The following TRIM3 variants were observed in gnomAD, a reference collection of about 807,000 sequenced individuals.
The protein encoded by TRIM3 is tripartite motif containing 3.
TRIM3 carries 13 observed loss-of-function variants against 66.6 expected under a neutral mutation model. The observed-to-expected ratio is 0.20, with a 90% CI of 0.13 to 0.31. The LOEUF is 0.31. Among genes scored for constraint, TRIM3 ranks in the 10% least tolerant of loss-of-function variants. The pLI is 1.00. For synonymous variants in TRIM3, 406 were observed against 411.7 expected, an observed-to-expected ratio of 0.99 and a Z score of 0.17; for missense variants, 711 against 1,020.4, an observed-to-expected ratio of 0.70 and a Z score of 4.13.
chr11:6,451,819 C>A, intron 7 of TRIM3: 1 of 214,242 alleles, frequency 4.7e-6, no homozygotes, highest in African/African-American at 2.3e-5. Context: ...GAGGACTTGT[C>A]CAGTGTGGCT....
At chr11:6,468,520 G>A (rs1564975683) in intron 1 of TRIM3, among the ~76,000 whole-genome samples, 1 of 152,174 alleles carries the variant, frequency 6.6e-6, no homozygotes, top group African/African-American at 2.4e-5. Context: ...CTGAGAAAGA[G>A]AACCCAGAGA....
chr11:6,466,441 C>A (rs1243695561), intron 1 of TRIM3, among the ~76,000 whole-genome samples: 1 of 152,178 alleles, frequency 6.6e-6, no homozygotes, highest in African/African-American at 2.4e-5. Flanking sequence ...TTTTCTAAAA[C>A]ACAGATTTGA....
At chr11:6,464,630 C>T (rs764541660) in intron 2 of TRIM3, among the ~76,000 whole-genome samples, 1 of 152,134 alleles carries the variant, frequency 6.6e-6, no homozygotes, top group Non-Finnish European at 1.5e-5. Context: ...GATTGTTACC[C>T]ATTCTATGCT....
At position 6,449,215 on chromosome 11, in the gene TRIM3, G is replaced by T. The variant is rs1564960012; in HGVS notation, c.2083-35C>A. The T allele has an allele frequency of 6.2e-7, 1 of 1,611,500 alleles. No homozygotes were observed. Among genetic ancestry groups the T allele is most frequent in the African/African-American group, 1.3e-5 (1 of 74,878 alleles). ...GAGTGCAGAAAGGAGGGAGAGGCAA[G>T]ATCAGGCAGATGAGAGTCTGTTTTG... On this transcript the variant is annotated intron_variant, in intron 11 of 11. Transcript: ENST00000345851. The surrounding 1 kb of genome is among the most constrained non-coding windows in gnomAD (Gnocchi z 5.3).
At position 6,458,375 on chromosome 11, in the gene TRIM3, C is replaced by T; in HGVS notation, c.132-79G>A. On this transcript the variant is annotated intron_variant, in intron 2 of 11. Transcript: ENST00000345851. The surrounding 1 kb of genome is among the most constrained non-coding windows in gnomAD (Gnocchi z 6.2). The stretch of plus-strand genomic sequence containing the variant: ...CCTTCCTTATACTTCCCATGGGTGC[C>T]AACCCCTTCCCTCACAGGTGTGCCA... 1.7e-6 allele frequency: 2 copies of T among 1,150,452 alleles called. No individual in the cohort carries two copies. Among genetic ancestry groups the T allele is most frequent in the Non-Finnish European group, 2.5e-6 (2 of 788,926 alleles). The allele number at this position is 1,150,452 out of a possible 1,614,324, so 71.3% of individuals were successfully genotyped here.
intron 1 of TRIM3, among the ~76,000 whole-genome samples, chr11:6,468,120 T>C (rs1314714348): frequency 6.6e-6 from 1 of 152,142 alleles, no homozygotes; most frequent in African/African-American, 2.4e-5. Context: ...CCCATCTCTA[T>C]AAAAATAAAA....
Position 6,457,207 on chromosome 11 carries a change from G to A in TRIM3, c.696+89C>T. ...AGGCAGAATATCTAGGCTGGGGAAT[G>A]GGGAGCTGGTGTGGAAGACAGAGGA... On this transcript the variant is annotated intron_variant, in intron 5 of 11. Transcript: ENST00000345851. This position sits in a 1 kb window ranked among gnomAD's most constrained non-coding sequence, Gnocchi z 4.5. The A allele has an allele frequency of 6.5e-7, 1 of 1,547,622 alleles. No individual in the cohort carries two copies.
intron 1 of TRIM3, chr11:6,473,074 T>C (rs1175423464): frequency 1.3e-5 from 2 of 152,388 alleles, no homozygotes; most frequent in African/African-American, 4.8e-5. Context: ...CTGCCCTCAG[T>C]CGAACTGACC....
chr11:6,472,046 T>A (rs1017790017), intron 1 of TRIM3, among the ~76,000 whole-genome samples: 1 of 152,200 alleles, frequency 6.6e-6, no homozygotes, highest in Non-Finnish European at 1.5e-5. Flanking sequence ...ACCCTGGTAG[T>A]CTTCTCAATT....
At position 6,450,010 on chromosome 11, in the gene TRIM3, C is replaced by A. The variant is rs1220926846; in HGVS notation, c.1941+541G>T. On this transcript the variant is annotated intron_variant, in intron 10 of 11. Coordinates refer to ENST00000345851, the MANE Select transcript of TRIM3 (RefSeq NM_033278.4). This position sits in a 1 kb window ranked among gnomAD's most constrained non-coding sequence, Gnocchi z 4.8. ...TAGCTCTTGGGAGGAGAGCAAGCCC[C>A]TTAAGGGGGCACACAAGCCTCACTC... The A allele has an allele frequency of 6.3e-6, 1 of 159,990 alleles. No homozygotes were observed. The highest frequency in any genetic ancestry group is 1.4e-5 in the Non-Finnish European group (1 of 72,904). 9.9% of individuals were successfully genotyped at this position (159,990 alleles called of 1,614,324 possible).
At position 6,463,186 on chromosome 11, in the gene TRIM3, CAG is replaced by C. The variant is rs751998972; in HGVS notation, c.131+2377_131+2378del. Among the ~76,000 whole-genome samples the C allele has an allele frequency of 2.6e-4, 40 of 151,914 alleles. 1 individual carries two copies. Among genetic ancestry groups the C allele is most frequent in the Non-Finnish European group, 5.4e-4 (37 of 68,002 alleles). On this transcript the variant is annotated intron_variant, in intron 2 of 11. Coordinates refer to ENST00000345851, the MANE Select transcript of TRIM3 (RefSeq NM_033278.4). ...CGCCACTGCACTCCAGCCTGGGTGACAGAGAGAGACTCTGTCTCAAAAAAACA... is the reference window on the plus strand; with the variant it reads ...CGCCACTGCACTCCAGCCTGGGTGACAGAGAGACTCTGTCTCAAAAAAACA...
chr11:6,463,032 C>G (rs1333024168), intron 2 of TRIM3, among the ~76,000 whole-genome samples: 2 of 152,000 alleles, frequency 1.3e-5, no homozygotes, highest in East Asian at 3.9e-4. Flanking sequence ...TGGTGAAACC[C>G]CATCTCTACT....
At chr11:6,454,982 G>C (rs1182274861) in intron 7 of TRIM3, among the ~76,000 whole-genome samples, 1 of 152,058 alleles carries the variant, frequency 6.6e-6, no homozygotes, top group African/African-American at 2.4e-5. Context: ...TCCCCTATAG[G>C]ATAAAATCAA....
Position 6,457,687 on chromosome 11 carries a change from A to G in TRIM3, c.515+9T>C, listed in dbSNP as rs1281524899. 1 of 1,609,182 alleles carries G rather than the reference A, an allele frequency of 6.2e-7. No individual in the cohort carries two copies. The highest frequency in any genetic ancestry group is 8.5e-7 in the Non-Finnish European group (1 of 1,176,946). On this transcript the variant is annotated intron_variant, in intron 4 of 11. Coordinates refer to ENST00000345851, the MANE Select transcript of TRIM3 (RefSeq NM_033278.4). The surrounding 1 kb of genome is among the most constrained non-coding windows in gnomAD (Gnocchi z 4.5). Reference sequence around the variant, plus strand: ...GCCCCACCAGCCCAGGACCCTGCCCAGTGCCTACCGGCCACGCACAGCCTC... The same window carrying G: ...GCCCCACCAGCCCAGGACCCTGCCCGGTGCCTACCGGCCACGCACAGCCTC...
chr11:6,462,430 T>C (rs1206152282), intron 2 of TRIM3, among the ~76,000 whole-genome samples: 4 of 152,070 alleles, frequency 2.6e-5, no homozygotes, highest in Admixed American at 6.5e-5. Flanking sequence ...TAATTTAAGA[T>C]AGAGCCTCTC....
chr11:6,455,893 G>A (rs1266505606), intron 7 of TRIM3, among the ~76,000 whole-genome samples, 179 bp downstream of exon 7: 2 of 152,214 alleles, frequency 1.3e-5, no homozygotes, highest in African/African-American at 4.8e-5. Flanking sequence ...TGTGGCCTAT[G>A]GGAATGGGGT....
At chr11:6,459,654 T>G (rs183966912) in intron 2 of TRIM3, among the ~76,000 whole-genome samples, 1 of 152,318 alleles carries the variant, frequency 6.6e-6, no homozygotes, top group African/African-American at 2.4e-5. Context: ...GACCTGGATT[T>G]AGGCAATAGT....
rs1849999375 is a variant in TRIM3 at position 6,456,635 on chromosome 11, G to C, written c.1091C>G (p.Ala364Gly). 2.5e-6 allele frequency: 4 copies of C among 1,612,444 alleles called. No individual in the cohort carries two copies. Among genetic ancestry groups the C allele is most frequent in the Non-Finnish European group, 3.4e-6 (4 of 1,179,814 alleles). Residue 364 changes from alanine (A) to glycine (G), a missense_variant, in exon 6 of 12, where the codon GCA becomes GGA. Coordinates refer to ENST00000345851, the MANE Select transcript of TRIM3 (RefSeq NM_033278.4). This position sits in a 1 kb window ranked among gnomAD's most constrained non-coding sequence, Gnocchi z 6.4. ...LVRTGSAELR[A>G]EITGPDGTRL... ...CGTGCCGTCCGGGCCGGTGATCTCT[G>C]CACGCAGCTCAGCGCTGCCTGTGCG...
chr11:6,466,357 C>A (rs1850470088), intron 1 of TRIM3, among the ~76,000 whole-genome samples: 2 of 152,234 alleles, frequency 1.3e-5, no homozygotes, highest in South Asian at 4.1e-4. Flanking sequence ...TGGAATACAG[C>A]AATAGCCTCT....
Sources: allele counts gnomAD v4.1 joint callset (sites outside exome capture counted in the v4.1 genomes callset), GRCh38; gene constraint gnomAD v4.1.1; non-coding constraint Gnocchi (gnomAD v3.1); transcripts MANE v1.5; gene names NCBI Gene and HGNC (gene_info 2026-07-23, HGNC 2026-07-21).